Variants in PLCL1 observed in about 807,000 individuals in gnomAD.
PLCL1 encodes inactive phospholipase C-like protein 1.
PLCL1 carries 41 observed loss-of-function variants against 84.4 expected under a neutral mutation model. The ratio of observed to expected loss-of-function variants is 0.49; its 90% CI spans 0.38 to 0.63. PLCL1 has a LOEUF of 0.63. Ranked by LOEUF, PLCL1 falls within the 30% of genes least tolerant of loss-of-function variation. The pLI is 0.00. For synonymous variants in PLCL1, 490 were observed against 488.3 expected (o/e 1.00, Z -0.05); for missense variants, 1,206 against 1,367.8 (o/e 0.88, Z 1.87).
intron 1 of PLCL1, among the ~76,000 whole-genome samples, chr2:197,890,087 A>G (rs1176642623): frequency 6.6e-6 from 1 of 152,174 alleles, no homozygotes; most frequent in East Asian, 1.9e-4. Flanking sequence ...GACAGTGAAC[A>G]CTTTGAAAGG....
At chr2:197,825,349 A>G (rs1462769312) in intron 1 of PLCL1, among the ~76,000 whole-genome samples, 3 of 152,210 alleles carry the variant, frequency 2.0e-5, no homozygotes, top group Non-Finnish European at 2.9e-5. Flanking sequence ...TAAGGCTACA[A>G]GCTCTTTCAG....
chr2:198,056,607 T>A (rs1170913976), intron 1 of PLCL1, among the ~76,000 whole-genome samples: 1 of 152,158 alleles, frequency 6.6e-6, no homozygotes, highest in African/African-American at 2.4e-5. Context: ...GAGGGGAAAA[T>A]AGGATCGTGT....
chr2:198,100,658 G>T (rs1451369880), intron 3 of PLCL1, among the ~76,000 whole-genome samples: 3 of 152,058 alleles, frequency 2.0e-5, no homozygotes, highest in Non-Finnish European at 2.9e-5. Flanking sequence ...CTGTAGTTTT[G>T]GATGATGATT....
intron 1 of PLCL1, among the ~76,000 whole-genome samples, chr2:197,957,792 A>T (rs895723328): frequency 6.6e-6 from 1 of 151,978 alleles, no homozygotes; most frequent in African/African-American, 2.4e-5. Context: ...TATTTTCTTG[A>T]GCATATTCCT....
At chr2:197,861,211 GGA>G (rs1356962902) in intron 1 of PLCL1, among the ~76,000 whole-genome samples, 2 of 152,130 alleles carry the variant, frequency 1.3e-5, no homozygotes, top group Non-Finnish European at 2.9e-5. Flanking sequence ...CCTCTGAGAA[GGA>G]GAGAGGGGAT....
chr2:197,880,550 GA>G (rs1419588391), intron 1 of PLCL1, among the ~76,000 whole-genome samples: 1 of 152,006 alleles, frequency 6.6e-6, no homozygotes, highest in African/African-American at 2.4e-5. Flanking sequence ...GAAAACATAA[GA>G]AAAAATGAAT....
At chr2:197,999,641 G>A (rs375276916) in intron 1 of PLCL1, among the ~76,000 whole-genome samples, 14 of 152,282 alleles carry the variant, frequency 9.2e-5, no homozygotes, top group East Asian at 7.7e-4. Flanking sequence ...TGTATAGGGC[G>A]TTGCTGCCCT....
At chr2:198,051,961 G>A (rs1042783936) in intron 1 of PLCL1, among the ~76,000 whole-genome samples, 8 of 151,992 alleles carry the variant, frequency 5.3e-5, no homozygotes, top group African/African-American at 1.7e-4. Context: ...CCAGGCTGGA[G>A]TGCAATGGCG....
chr2:197,832,110 TCAAA>T (rs1289392692), intron 1 of PLCL1, among the ~76,000 whole-genome samples: 1 of 151,752 alleles, frequency 6.6e-6, no homozygotes, highest in East Asian at 1.9e-4. Flanking sequence ...AGAAGCAAGA[TCAAA>T]CAAATTTGAA....
chr2:197,911,465 C>G (rs915857732), intron 1 of PLCL1, among the ~76,000 whole-genome samples: 1 of 151,842 alleles, frequency 6.6e-6, no homozygotes, highest in African/African-American at 2.4e-5. Context: ...CAAGTTTTCT[C>G]CAAGAATAGA....
chr2:198,043,398 C>A (rs191458480), intron 1 of PLCL1, among the ~76,000 whole-genome samples: 1 of 152,136 alleles, frequency 6.6e-6, no homozygotes. Flanking sequence ...AAACAGCTGT[C>A]TCTACTGGGT....
chr2:197,882,187 G>A (rs1006836193), intron 1 of PLCL1, among the ~76,000 whole-genome samples: 24 of 152,094 alleles, frequency 1.6e-4, no homozygotes, highest in Non-Finnish European at 1.6e-4. Flanking sequence ...ATCCTAATTT[G>A]GTGTGGAATA....
intron 1 of PLCL1, among the ~76,000 whole-genome samples, chr2:197,969,977 C>A (rs552012926): frequency 6.6e-6 from 1 of 152,282 alleles, no homozygotes; most frequent in African/African-American, 2.4e-5. Flanking sequence ...ACAGCATAAC[C>A]TGACTTATTC....
intron 1 of PLCL1, among the ~76,000 whole-genome samples, chr2:197,817,586 A>G (rs541932853): frequency 9.7e-4 from 147 of 152,188 alleles, no homozygotes; most frequent in African/African-American, 3.4e-3. Flanking sequence ...GGTTTAGGTA[A>G]CCTTTTGATC....
chr2:197,945,792 T>C (rs554552169), intron 1 of PLCL1, among the ~76,000 whole-genome samples: 1 of 152,228 alleles, frequency 6.6e-6, no homozygotes, highest in Non-Finnish European at 1.5e-5. Context: ...ACAGTAGTTA[T>C]TATTATTGTT....
intron 1 of PLCL1, among the ~76,000 whole-genome samples, chr2:197,896,440 C>T (rs1405107755): frequency 1.3e-5 from 2 of 152,024 alleles, no homozygotes; most frequent in Non-Finnish European, 2.9e-5. Context: ...TCCCTTGTTT[C>T]ACCTGCTCCT....
chr2:197,906,590 T>C (rs1363328883), intron 1 of PLCL1, among the ~76,000 whole-genome samples: 2 of 152,182 alleles, frequency 1.3e-5, no homozygotes, highest in African/African-American at 4.8e-5. Context: ...TTTTTCTAAT[T>C]CTGTGAAGAA....
intron 1 of PLCL1, among the ~76,000 whole-genome samples, chr2:198,047,473 C>A (rs146144172): frequency 6.6e-6 from 1 of 152,148 alleles, no homozygotes; most frequent in East Asian, 1.9e-4. Flanking sequence ...TGAGCCACCA[C>A]GCCCAGCCAA....
At chr2:197,878,074 G>C (rs373316422) in intron 1 of PLCL1, among the ~76,000 whole-genome samples, 1 of 152,052 alleles carries the variant, frequency 6.6e-6, no homozygotes, top group African/African-American at 2.4e-5. Flanking sequence ...ATGAAAGGAG[G>C]CTATATTTCT....
Sources: gnomAD v4.1 joint callset for allele counts (sites outside exome capture counted in the v4.1 genomes callset) on GRCh38, gnomAD v4.1.1 for gene constraint, MANE v1.5 for transcripts, NCBI Gene and HGNC (gene_info 2026-07-23, HGNC 2026-07-21) for gene names.